CSMD1: variants seen among roughly 807,000 people sequenced by gnomAD.
CSMD1 encodes the protein CUB and Sushi multiple domains 1, also known as CUB and sushi domain-containing protein 1.
CSMD1 carries 213 observed loss-of-function variants against 417.5 expected under a neutral mutation model. That is an observed-to-expected ratio of 0.51 (90% CI 0.46 to 0.57). CSMD1 has a LOEUF of 0.57. CSMD1 is among the 20% of genes least tolerant of loss of function. The pLI, the probability that CSMD1 is intolerant of heterozygous loss-of-function variation, is 0.00. For synonymous variants in CSMD1, 2,862 were observed against 1,736.8 expected, an observed-to-expected ratio of 1.65 and a Z score of -16.11; for missense variants, 6,923 against 4,529.7, an observed-to-expected ratio of 1.53 and a Z score of -15.17.
At chr8:3,322,987 T>G (rs1313409435) in intron 23 of CSMD1, among the ~76,000 whole-genome samples, 1 of 152,230 alleles carries the variant, frequency 6.6e-6, no homozygotes. Flanking sequence ...GAAGCCTTCC[T>G]CATCAGAACC....
At chr8:4,926,673 TG>T (rs1454348861) in intron 1 of CSMD1, among the ~76,000 whole-genome samples, 1 of 152,202 alleles carries the variant, frequency 6.6e-6, no homozygotes, top group Non-Finnish European at 1.5e-5. Flanking sequence ...AGTATTCTTC[TG>T]GGCTTTTCTT....
At chr8:3,421,993 C>T (rs572431795) in intron 12 of CSMD1, among the ~76,000 whole-genome samples, 6 of 149,700 alleles carry the variant, frequency 4.0e-5, no homozygotes, top group South Asian at 2.1e-4. Context: ...TGGCTTAGAG[C>T]GTGAGCCACC....
chr8:4,683,670 C>G (rs1421632462), intron 1 of CSMD1, among the ~76,000 whole-genome samples: 1 of 152,192 alleles, frequency 6.6e-6, no homozygotes, highest in East Asian at 1.9e-4. Context: ...GGACTCCCAG[C>G]CAGTCCAGTG....
At chr8:3,933,375 A>G (rs77607680) in intron 5 of CSMD1, among the ~76,000 whole-genome samples, 3,128 of 152,326 alleles carry the variant, frequency 0.021, 99 homozygotes, top group African/African-American at 0.071. Context: ...TCAGTTTAGT[A>G]CTAACTGAAA....
At chr8:4,134,115 G>T (rs1304512019) in intron 3 of CSMD1, among the ~76,000 whole-genome samples, 1 of 152,060 alleles carries the variant, frequency 6.6e-6, no homozygotes, top group Non-Finnish European at 1.5e-5. Flanking sequence ...GCTGGTATAA[G>T]AATATCAAAT....
chr8:3,174,210 G>A (rs1820765035), intron 37 of CSMD1, among the ~76,000 whole-genome samples: 1 of 152,140 alleles, frequency 6.6e-6, no homozygotes. Context: ...AATTGAGACA[G>A]AGTCCAGGCA....
At chr8:4,116,232 G>T (rs1029820268) in intron 3 of CSMD1, among the ~76,000 whole-genome samples, 4 of 151,994 alleles carry the variant, frequency 2.6e-5, no homozygotes, top group African/African-American at 9.7e-5. Flanking sequence ...GACCTCAGGT[G>T]ATCCACAAGC....
chr8:4,894,976 C>G (rs1411889341), intron 1 of CSMD1, among the ~76,000 whole-genome samples: 1 of 152,164 alleles, frequency 6.6e-6, no homozygotes, highest in Non-Finnish European at 1.5e-5. Flanking sequence ...TCAGCTTCCA[C>G]TTTTCTGATC....
chr8:4,212,373 G>A (rs997954483), intron 3 of CSMD1, among the ~76,000 whole-genome samples: 1 of 151,966 alleles, frequency 6.6e-6, no homozygotes, highest in Non-Finnish European at 1.5e-5. Flanking sequence ...TTTACACATA[G>A]AGAATCTCAC....
chr8:4,375,354 C>T (rs1447188800), intron 3 of CSMD1, among the ~76,000 whole-genome samples: 1 of 152,030 alleles, frequency 6.6e-6, no homozygotes, highest in African/African-American at 2.4e-5. Flanking sequence ...TCCTATTCAC[C>T]ATCCACACAG....
intron 1 of CSMD1, among the ~76,000 whole-genome samples, chr8:4,959,870 T>A (rs887386688): frequency 2.0e-5 from 3 of 152,234 alleles, no homozygotes; most frequent in Non-Finnish European, 4.4e-5. Flanking sequence ...AGTGTCTCAA[T>A]GAGGTGAACT....
chr8:3,682,149 A>T (rs529362970), intron 7 of CSMD1, among the ~76,000 whole-genome samples: 36 of 152,352 alleles, frequency 2.4e-4, no homozygotes, highest in African/African-American at 6.7e-4. Flanking sequence ...TTCATGTCTA[A>T]AACACCAAAA....
chr8:4,410,554 G>C (rs1297015658), intron 3 of CSMD1, among the ~76,000 whole-genome samples: 3 of 152,010 alleles, frequency 2.0e-5, no homozygotes, highest in Non-Finnish European at 2.9e-5. Context: ...TCTCATTTTT[G>C]CTTATTGAAG....
chr8:4,338,304 T>C (rs1398168637), intron 3 of CSMD1, among the ~76,000 whole-genome samples: 1 of 152,140 alleles, frequency 6.6e-6, no homozygotes, highest in Non-Finnish European at 1.5e-5. Flanking sequence ...TTGAATATAG[T>C]TAGTTACACA....
intron 7 of CSMD1, among the ~76,000 whole-genome samples, chr8:3,666,218 T>C (rs1396653568): frequency 6.6e-6 from 1 of 152,130 alleles, no homozygotes; most frequent in Non-Finnish European, 1.5e-5. Flanking sequence ...TTTCTCATTG[T>C]TTTCCCCACC....
intron 5 of CSMD1, among the ~76,000 whole-genome samples, chr8:3,894,484 A>G (rs888468145): frequency 6.6e-6 from 1 of 152,212 alleles, no homozygotes; most frequent in Non-Finnish European, 1.5e-5. Flanking sequence ...CAAATATAGA[A>G]CTACAAGTAG....
chr8:3,036,563 A>C (rs1810686133), intron 50 of CSMD1, among the ~76,000 whole-genome samples: 1 of 152,228 alleles, frequency 6.6e-6, no homozygotes, highest in African/African-American at 2.4e-5. Context: ...AACTAAAGCA[A>C]AGTGTGCAGT....
At chr8:4,683,204 A>T (rs1011229209) in intron 1 of CSMD1, among the ~76,000 whole-genome samples, 39 of 152,044 alleles carry the variant, frequency 2.6e-4, no homozygotes, top group Non-Finnish European at 4.6e-4. Context: ...TGTTCATGAA[A>T]CAACTTAGTA....
At chr8:4,933,287 A>G (rs1396940675) in intron 1 of CSMD1, among the ~76,000 whole-genome samples, 1 of 152,180 alleles carries the variant, frequency 6.6e-6, no homozygotes, top group Non-Finnish European at 1.5e-5. Context: ...ACATTCTCTC[A>G]GAGGAGCACA....
Sources: allele counts gnomAD v4.1 joint callset (sites outside exome capture counted in the v4.1 genomes callset), GRCh38; gene constraint gnomAD v4.1.1; transcripts MANE v1.5; gene names NCBI Gene and HGNC (gene_info 2026-07-23, HGNC 2026-07-21).